Variants in CBR1 observed in about 807,000 individuals in gnomAD.
The protein encoded by CBR1 is carbonyl reductase [NADPH] 1.
A neutral mutation model predicts 10.6 loss-of-function variants in CBR1; 11 were observed. That is an observed-to-expected ratio of 1.03 (90% CI 0.65 to 1.71). The LOEUF (loss-of-function observed/expected upper bound fraction) is 1.71, where lower values mean the gene tolerates loss of function less well. Ranked by LOEUF, CBR1 falls within the 40% of genes most tolerant of loss-of-function variation. CBR1 has a pLI of 0.00. For missense variants in CBR1, 361 were observed against 368.6 expected (o/e 0.98, Z 0.17); for synonymous variants, 158 against 156.7 (o/e 1.01, Z -0.06).
chr21:36,071,612 C>G, intron 2 of CBR1: 1 of 588,368 alleles, frequency 1.7e-6, no homozygotes, highest in Non-Finnish European at 3.0e-6. Context: ...ACAGACCCCA[C>G]CACCCACCCA....
At chr21:36,071,709 C>A in intron 2 of CBR1, 1 of 715,320 alleles carries the variant, frequency 1.4e-6, no homozygotes, top group Non-Finnish European at 2.4e-6. Flanking sequence ...CTCCTGAATC[C>A]GTCTCATTGC....
Position 36,070,257 on chromosome 21 carries a change from C to A in CBR1, c.142C>A (p.Gln48Lys). 6.2e-7 allele frequency: 1 copy of A among 1,611,784 alleles called. No individual in the cohort carries two copies. Among genetic ancestry groups the A allele is most frequent in the Non-Finnish European group, 8.5e-7 (1 of 1,179,720 alleles). The part of the protein sequence containing the change: ...RDVTRGQAAV[Q>K]QLQAEGLSPR... ...CGTGACGCGGGGCCAGGCGGCCGTA[C>A]AGCAGCTGCAGGCGGAGGGCCTGAG... is the stretch of plus-strand genomic sequence containing the variant. Residue 48 changes from glutamine (Q) to lysine (K), a missense_variant, in exon 1 of 3, where the codon CAG becomes AAG. Physicochemically the swap from Gln to Lys is moderately conservative, Grantham distance 53. Transcript: ENST00000290349.
intron 2 of CBR1, 190 bp downstream of exon 2, chr21:36,071,247 G>T: frequency 1.4e-6 from 1 of 699,936 alleles, no homozygotes; most frequent in South Asian, 1.5e-5. Context: ...CCACTCCCAT[G>T]GCCATTCGTC....
At chr21:36,072,245 C>A in intron 2 of CBR1, 1 of 1,550,742 alleles carries the variant, frequency 6.4e-7, no homozygotes, top group Non-Finnish European at 8.7e-7. Context: ...CCTGACTCTA[C>A]TCAGCCAAAA....
intron 1 of CBR1, 58 bp from the exon 2 acceptor site, chr21:36,070,892 A>C: frequency 1.2e-6 from 1 of 860,606 alleles, no homozygotes. Flanking sequence ...GTATCATTGT[A>C]TAGAATTTTA....
chr21:36,070,878 T>TTAGTATCATTTTATAGAATTTTACCCCA, intron 1 of CBR1, 72 bp from the exon 2 acceptor site: 1 of 901,768 alleles, frequency 1.1e-6, no homozygotes. Context: ...TTTTTTTTTT[T>TTAGTATCATTTTATAGAATTTTACCCCA]TTAGTATCAT....
At position 36,070,861 on chromosome 21, in the gene CBR1, T is replaced by G. The variant is rs934733338; in HGVS notation, c.290-89T>G. On this transcript the variant is annotated intron_variant, in intron 1 of 2. Transcript: ENST00000290349. Reference sequence around the variant, plus strand: ...TAGGCAGAGGGCACTAAGTTTTTTTTTTTTTTTTTTTTTTTTTTTAGTATC... The same window carrying G: ...TAGGCAGAGGGCACTAAGTTTTTTTGTTTTTTTTTTTTTTTTTTTAGTATC... 2,801 of 696,442 alleles carry G rather than the reference T, an allele frequency of 4.0e-3. 108 individuals carry two copies. The highest frequency in any genetic ancestry group is 6.5e-3 in the Admixed American group (219 of 33,488). 43.1% of individuals were successfully genotyped at this position (696,442 alleles called of 1,614,324 possible). A position where few individuals can be genotyped will look rare whatever the true frequency, so the allele number is the denominator to read the frequency against.
chr21:36,070,249 C>T lies in CBR1; in HGVS notation c.134C>T (p.Ala45Val). Residue 45 changes from alanine to valine, a missense_variant, in exon 1 of 3, where the codon GCG (alanine) becomes GTG (valine). Transcript: ENST00000290349. ...LTARDVTRGQ[A>V]AVQQLQAEGL... ...GCGCGGGACGTGACGCGGGGCCAGG[C>T]GGCCGTACAGCAGCTGCAGGCGGAG... 1 of 1,610,968 alleles carries T rather than the reference C, an allele frequency of 6.2e-7. No homozygotes were observed. The highest frequency in any genetic ancestry group is 8.5e-7 in the Non-Finnish European group (1 of 1,179,486).
At position 36,070,208 on chromosome 21, in the gene CBR1, G is replaced by C; in HGVS notation, c.93G>C (p.Gly31=). ...IVRDLCRLFS[G]DVVLTARDVT... is the part of the protein sequence containing the mutation. Reference sequence around the variant, plus strand: ...GCGACCTGTGCCGGCTGTTCTCGGGGGACGTGGTGCTCACGGCGCGGGACG... The same window carrying C: ...GCGACCTGTGCCGGCTGTTCTCGGGCGACGTGGTGCTCACGGCGCGGGACG... Residue 31 remains glycine (G), a synonymous_variant, in exon 1 of 3, where the codon GGG becomes GGC. Coordinates refer to ENST00000290349, the MANE Select transcript of CBR1 (RefSeq NM_001757.4). 6.2e-7 allele frequency: 1 copy of C among 1,608,590 alleles called. No individual in the cohort carries two copies. The highest frequency in any genetic ancestry group is 8.5e-7 in the Non-Finnish European group (1 of 1,178,302).
rs1459050066 is a variant in CBR1 at position 36,071,054 on chromosome 21, C to T, written c.394C>T (p.Gln132Ter). The T allele has an allele frequency of 1.3e-6, 2 of 1,599,862 alleles. No individual in the cohort carries two copies. The highest frequency in any genetic ancestry group is 1.7e-5 in the Admixed American group (1 of 59,972). ...CTELLPLIKP[Q>*]GRVVNVSSIM... ...AGAATTACTCCCTCTAATAAAACCC[C>T]AAGGTGAGTCTGATGGGAAACAGCG... is the stretch of plus-strand genomic sequence containing the variant. Residue 132 changes from glutamine to a stop codon, truncating the protein, a stop_gained, in exon 2 of 3, where the codon CAA becomes TAA. Transcript: ENST00000290349. LOFTEE classifies it low-confidence loss of function (END_TRUNC).
chr21:36,071,289 C>T, intron 2 of CBR1: 1 of 671,230 alleles, frequency 1.5e-6, no homozygotes, highest in Non-Finnish European at 2.7e-6. Flanking sequence ...GCACACCTGG[C>T]TGACTCTCAT....
rs796754404 is a variant in CBR1, at chr21:36,070,864, T to G, written c.290-86T>G. ...GCAGAGGGCACTAAGTTTTTTTTTT[T>G]TTTTTTTTTTTTTTTTAGTATCATT... On this transcript the variant is annotated intron_variant, in intron 1 of 2. Transcript: ENST00000290349. 535 of 646,428 alleles carry G rather than the reference T, an allele frequency of 8.3e-4. 5 individuals are homozygous for G. The highest frequency in any genetic ancestry group is 1.1e-3 in the Middle Eastern group (3 of 2,846). The allele number at this position is 646,428 out of a possible 1,614,324, so 40.0% of individuals were successfully genotyped here.
intron 2 of CBR1, chr21:36,071,929 G>T (rs1345892062): frequency 6.5e-7 from 1 of 1,536,060 alleles, no homozygotes; most frequent in South Asian, 1.2e-5. Context: ...TTAACTCTGG[G>T]CCCATTTTAA....
At chr21:36,071,101 T>C in intron 2 of CBR1, 44 bp downstream of exon 2, 3 of 1,326,528 alleles carry the variant, frequency 2.3e-6, no homozygotes, top group Non-Finnish European at 2.2e-6. Flanking sequence ...TGGGGCTTGA[T>C]TTGGCCCCTG....
At chr21:36,070,449 T>C (rs2065343333) in intron 1 of CBR1, 45 bp downstream of exon 1, 1 of 1,530,428 alleles carries the variant, frequency 6.5e-7, no homozygotes, top group African/African-American at 1.4e-5. Context: ...ACCGATGCAC[T>C]GGGGCTCCTG....
At chr21:36,072,333 T>C (rs2065357923) in intron 2 of CBR1, 113 bp from the exon 3 acceptor site, 1 of 1,593,800 alleles carries the variant, frequency 6.3e-7, no homozygotes, top group Admixed American at 1.8e-5. Context: ...CTCATACCAG[T>C]AACTGTCTCT....
At chr21:36,070,856 T>C in intron 1 of CBR1, 94 bp from the exon 2 acceptor site, 1 of 606,318 alleles carries the variant, frequency 1.6e-6, no homozygotes, top group African/African-American at 3.2e-5. Flanking sequence ...GCACTAAGTT[T>C]TTTTTTTTTT....
At position 36,070,074 on chromosome 21, in the gene CBR1, G is replaced by A; in HGVS notation, c.-42G>A. 6.8e-7 allele frequency: 1 copy of A among 1,462,472 alleles called. No homozygotes were observed. Among genetic ancestry groups the A allele is most frequent in the South Asian group, 1.4e-5 (1 of 71,754 alleles). 90.6% of individuals were successfully genotyped at this position (1,462,472 alleles called of 1,614,324 possible). On this transcript the variant is annotated 5_prime_UTR_variant, in exon 1 of 3. Coordinates refer to ENST00000290349, the MANE Select transcript of CBR1 (RefSeq NM_001757.4). ...CTGCGGGGCTCCCGGGCCTGAGCCAGGTCTGTTCTCCACGCAGGTGTTCCG... is the reference window on the plus strand; with the variant it reads ...CTGCGGGGCTCCCGGGCCTGAGCCAAGTCTGTTCTCCACGCAGGTGTTCCG...
At chr21:36,072,229 A>T in intron 2 of CBR1, 1 of 1,550,578 alleles carries the variant, frequency 6.4e-7, no homozygotes, top group Non-Finnish European at 8.7e-7. Flanking sequence ...GCTCTTCCAA[A>T]TCTCACCTGA....
Sources: allele counts gnomAD v4.1 joint callset, GRCh38; gene constraint gnomAD v4.1.1; transcripts MANE v1.5; gene names NCBI Gene and HGNC (gene_info 2026-07-23, HGNC 2026-07-21).